The following FOXP2 variants were observed in gnomAD, a reference collection of about 807,000 sequenced individuals.
FOXP2 encodes the protein forkhead box protein P2.
Under a neutral mutation model 115.8 loss-of-function variants are expected in FOXP2, and 12 were observed. The observed-to-expected ratio is 0.10, with a 90% CI of 0.07 to 0.17. FOXP2 has a LOEUF of 0.17. Among genes scored for constraint, FOXP2 ranks in the 10% least tolerant of loss-of-function variants. The pLI is 1.00. For missense variants in FOXP2, 629 were observed against 843.5 expected (o/e 0.75, Z 3.15); for synonymous variants, 328 against 297.7 (o/e 1.10, Z -1.05).
At chr7:114,686,546 T>C (rs1244225185) in intron 16 of FOXP2, among the ~76,000 whole-genome samples, 1 of 152,218 alleles carries the variant, frequency 6.6e-6, no homozygotes, top group Non-Finnish European at 1.5e-5. Context: ...TAAATGTTCT[T>C]GTAGCACATT....
chr7:114,522,953 A>G (rs1798692150), intron 2 of FOXP2, among the ~76,000 whole-genome samples: 1 of 151,824 alleles, frequency 6.6e-6, no homozygotes, highest in Non-Finnish European at 1.5e-5. Flanking sequence ...ACAAACATAA[A>G]TTTCAAAAAT....
intron 1 of FOXP2, among the ~76,000 whole-genome samples, chr7:114,264,969 T>C (rs1056669103): frequency 6.6e-6 from 1 of 152,140 alleles, no homozygotes; most frequent in Non-Finnish European, 1.5e-5. Flanking sequence ...CCCAAGCACT[T>C]CCCACCAGGC....
At chr7:114,353,779 T>C (rs1791551998) in intron 2 of FOXP2, among the ~76,000 whole-genome samples, 1 of 152,136 alleles carries the variant, frequency 6.6e-6, no homozygotes, top group African/African-American at 2.4e-5. Context: ...TCAATTACGA[T>C]ACTGGTGCAT....
chr7:114,291,864 T>TAATATATAGATAATATATAG (rs1562856820), intron 2 of FOXP2, among the ~76,000 whole-genome samples: 16 of 132,482 alleles, frequency 1.2e-4, no homozygotes, highest in Admixed American at 1.7e-4. Context: ...ATTTTATATA[T>TAATATATAGATAATATATAG]AATATATAGA....
At chr7:114,128,852 A>C (rs2129144911) in intron 1 of FOXP2, among the ~76,000 whole-genome samples, 1 of 152,286 alleles carries the variant, frequency 6.6e-6, no homozygotes. Context: ...AAACAACCAA[A>C]TACAGCATCA....
intron 8 of FOXP2, among the ~76,000 whole-genome samples, chr7:114,647,828 G>T (rs750259143): frequency 1.8e-4 from 28 of 151,948 alleles, no homozygotes; most frequent in Non-Finnish European, 3.8e-4. Context: ...TAAGCCAAAA[G>T]GTTTACAATA....
chr7:114,183,023 A>G (rs1793497652), intron 1 of FOXP2, among the ~76,000 whole-genome samples: 1 of 152,128 alleles, frequency 6.6e-6, no homozygotes, highest in Admixed American at 6.6e-5. Flanking sequence ...CACATTCCAC[A>G]GATACAGCAG....
chr7:114,523,594 T>A (rs146440114), intron 2 of FOXP2, among the ~76,000 whole-genome samples: 1 of 152,210 alleles, frequency 6.6e-6, no homozygotes, highest in East Asian at 1.9e-4. Context: ...AGAACCGAAG[T>A]TTTGTTTTTT....
chr7:114,613,088 T>C (rs1803719513), intron 3 of FOXP2, among the ~76,000 whole-genome samples: 1 of 152,250 alleles, frequency 6.6e-6, no homozygotes, highest in South Asian at 2.1e-4. Context: ...ATTGACTCTT[T>C]GAAGCATTAT....
rs560663001 is a variant in FOXP2 at position 114,508,818 on chromosome 7, G to A, written c.169-25799G>A. ...AAGCCAACAAGAGATAAGACCTGAG[G>A]GATTGAGGCAGTAGTTACAGTAATG... On this transcript the variant is annotated intron_variant, in intron 2 of 16. Transcript: ENST00000350908. 4.7e-3 allele frequency among the ~76,000 whole-genome samples: 711 copies of A among 152,082 alleles called. 5 individuals carry two copies. Among genetic ancestry groups the A allele is most frequent in the Non-Finnish European group, 7.4e-3 (502 of 67,962 alleles).
chr7:114,236,928 G>A (rs1257067709), intron 1 of FOXP2, among the ~76,000 whole-genome samples: 1 of 152,144 alleles, frequency 6.6e-6, no homozygotes, highest in African/African-American at 2.4e-5. Flanking sequence ...AGTGAGCCGA[G>A]ATCATGCAAC....
At chr7:114,235,209 G>T (rs1794980181) in intron 1 of FOXP2, among the ~76,000 whole-genome samples, 1 of 151,550 alleles carries the variant, frequency 6.6e-6, no homozygotes, top group Non-Finnish European at 1.5e-5. Context: ...CCTTATCAAT[G>T]TTTTTATACT....
At chr7:114,366,178 C>A (rs1403123117) in intron 2 of FOXP2, among the ~76,000 whole-genome samples, 2 of 152,096 alleles carry the variant, frequency 1.3e-5, no homozygotes, top group African/African-American at 4.8e-5. Context: ...TTTGAGAAGT[C>A]TGTGTGGATT....
At chr7:114,572,105 T>G (rs1434014372) in intron 3 of FOXP2, among the ~76,000 whole-genome samples, 3 of 151,834 alleles carry the variant, frequency 2.0e-5, no homozygotes, top group African/African-American at 7.2e-5. Flanking sequence ...AGAAAATGTT[T>G]TCAATAAAAA....
At chr7:114,252,337 C>T (rs541371987) in intron 1 of FOXP2, among the ~76,000 whole-genome samples, 61 of 152,218 alleles carry the variant, frequency 4.0e-4, no homozygotes, top group African/African-American at 1.4e-3. Flanking sequence ...CCCTCTTTTT[C>T]TATTGATTGG....
At chr7:114,643,639 G>T (rs1189315044) in intron 7 of FOXP2, among the ~76,000 whole-genome samples, 2 of 152,064 alleles carry the variant, frequency 1.3e-5, no homozygotes, top group East Asian at 1.9e-4. Flanking sequence ...ATGTACATTT[G>T]TCCTTTAGCT....
intron 2 of FOXP2, among the ~76,000 whole-genome samples, chr7:114,437,395 C>T (rs894296959): frequency 6.6e-6 from 1 of 152,142 alleles, no homozygotes; most frequent in Non-Finnish European, 1.5e-5. Flanking sequence ...CTTAGATGAT[C>T]GTTACCTCTT....
rs1302127838 is a variant in FOXP2, at chr7:114,658,071, T to G, written c.1272T>G (p.Asn424Lys). Residue 424 changes from asparagine (N) to lysine (K), a missense_variant, in exon 11 of 17, where the codon AAT (asparagine) becomes AAG (lysine). By Grantham distance (94) the Asn-to-Lys change is moderately conservative. Transcript: ENST00000350908. ...CTTCTCTTGGGCCTTTGCAGCTAAATCTGGTGTCTAGTGTCACCATGTCGA... is the reference window on the plus strand; with the variant it reads ...CTTCTCTTGGGCCTTTGCAGCTAAAGCTGGTGTCTAGTGTCACCATGTCGA... ...SEPKPSPKPL[N>K]LVSSVTMSKN... 1 of 1,613,624 alleles carries G rather than the reference T, an allele frequency of 6.2e-7. No individual in the cohort carries two copies. The highest frequency in any genetic ancestry group is 1.3e-5 in the African/African-American group (1 of 74,876).
At chr7:114,461,746 T>C (rs1006550509) in intron 2 of FOXP2, among the ~76,000 whole-genome samples, 2 of 152,120 alleles carry the variant, frequency 1.3e-5, no homozygotes, top group Non-Finnish European at 1.5e-5. Context: ...TTCCCTTCCC[T>C]TGATTATTCA....
Sources: allele counts gnomAD v4.1 joint callset (sites outside exome capture counted in the v4.1 genomes callset), GRCh38; gene constraint gnomAD v4.1.1; transcripts MANE v1.5; gene names NCBI Gene and HGNC (gene_info 2026-07-23, HGNC 2026-07-21).